Variants in PTCHD4 observed in about 807,000 individuals in gnomAD.
PTCHD4 encodes patched domain containing 4.
In PTCHD4, 33 loss-of-function variants were observed where a neutral mutation model predicts 58.1. That is an observed-to-expected ratio of 0.57 (90% CI 0.43 to 0.76). The LOEUF (loss-of-function observed/expected upper bound fraction) is 0.76, where lower values mean the gene tolerates loss of function less well. PTCHD4 is among the 30% of genes least tolerant of loss of function. The pLI is 0.00. For missense variants in PTCHD4, 1,058 were observed against 1,027.1 expected, an observed-to-expected ratio of 1.03 and a Z score of -0.41; for synonymous variants, 478 against 409.6, an observed-to-expected ratio of 1.17 and a Z score of -2.02.
In PTCHD4 at chr6:47,875,716, G is replaced by A. The variant is rs958431695; in HGVS notation, c.*2587C>T. ...TCCCTATCTAAACAGAGACTATCTGGATGGAGACATAATATTAGATCTGCC... is the reference window on the plus strand; with the variant it reads ...TCCCTATCTAAACAGAGACTATCTGAATGGAGACATAATATTAGATCTGCC... On this transcript the variant is annotated 3_prime_UTR_variant, in exon 5 of 5. Coordinates refer to ENST00000339488, the MANE Select transcript of PTCHD4 (RefSeq NM_001384253.1). Among the ~76,000 whole-genome samples the A allele has an allele frequency of 1.3e-5, 2 of 151,788 alleles. No individual in the cohort carries two copies. The highest frequency in any genetic ancestry group is 2.9e-5 in the Non-Finnish European group (2 of 67,882).
intron 3 of PTCHD4, among the ~76,000 whole-genome samples, chr6:48,011,828 G>T (rs1190043734): frequency 1.3e-5 from 2 of 152,088 alleles, no homozygotes; most frequent in Non-Finnish European, 2.9e-5. Flanking sequence ...ATTAAATAGG[G>T]AATCTTTTCT....
chr6:47,891,594 A>G (rs915253602), intron 4 of PTCHD4, among the ~76,000 whole-genome samples: 25 of 152,194 alleles, frequency 1.6e-4, no homozygotes, highest in Non-Finnish European at 1.5e-5. Context: ...AATTACTAAG[A>G]TAACTATTAT....
intron 4 of PTCHD4, among the ~76,000 whole-genome samples, chr6:48,001,334 T>C (rs1256290378): frequency 1.3e-5 from 2 of 152,204 alleles, no homozygotes; most frequent in African/African-American, 2.4e-5. Context: ...GCTGGAGGCA[T>C]CATGCTACCT....
At chr6:48,017,412 G>T (rs1762904638) in intron 3 of PTCHD4, among the ~76,000 whole-genome samples, 1 of 151,902 alleles carries the variant, frequency 6.6e-6, no homozygotes, top group Non-Finnish European at 1.5e-5. Context: ...GCTAGAAAAA[G>T]GCCGTGATGT....
Position 48,068,754 on chromosome 6 carries a change from G to A in PTCHD4, c.6-113C>T, listed in dbSNP as rs1208561868. 3.4e-5 allele frequency: 33 copies of A among 982,064 alleles called. No individual in the cohort carries two copies. The highest frequency in any genetic ancestry group is 5.0e-5 in the South Asian group (3 of 59,906). 60.8% of individuals were successfully genotyped at this position (982,064 alleles called of 1,614,324 possible). A position where few individuals can be genotyped will look rare whatever the true frequency, so the allele number is the denominator to read the frequency against. On this transcript the variant is annotated intron_variant, in intron 2 of 4. Coordinates refer to ENST00000339488, the MANE Select transcript of PTCHD4 (RefSeq NM_001384253.1). The surrounding 1 kb of genome is among the most constrained non-coding windows in gnomAD (Gnocchi z 4.2). ...GCCGCCGCCTCCCCACCCACTCCGC[G>A]CTCACCCCACAACCACTCCGCCTGG...
At chr6:47,910,349 T>C (rs1765030221) in intron 4 of PTCHD4, among the ~76,000 whole-genome samples, 1 of 152,252 alleles carries the variant, frequency 6.6e-6, no homozygotes, top group South Asian at 2.1e-4. Context: ...CTGTGTCTGT[T>C]AGCCCCCTAT....
chr6:47,959,610 T>A lies in PTCHD4; in HGVS notation c.898+49024A>T, dbSNP rs181408588. On this transcript the variant is annotated intron_variant, in intron 4 of 4. Transcript: ENST00000339488. ...ATGATGAAAACTACAGTGAGGTACATCTTCAAAGTGCTCAAAACCAGGAAT... is the reference window on the plus strand; with the variant it reads ...ATGATGAAAACTACAGTGAGGTACAACTTCAAAGTGCTCAAAACCAGGAAT... Among the ~76,000 whole-genome samples the A allele has an allele frequency of 4.7e-4, 71 of 152,136 alleles. 1 individual carries two copies. The highest frequency in any genetic ancestry group is 1.2e-3 in the African/African-American group (49 of 41,500).
intron 3 of PTCHD4, among the ~76,000 whole-genome samples, chr6:48,057,171 G>GTT (rs372080844): frequency 9.4e-5 from 14 of 149,398 alleles, no homozygotes; most frequent in Non-Finnish European, 1.9e-4. Flanking sequence ...TCTGGCGGCG[G>GTT]TTTTTTTTGT....
At chr6:48,002,773 A>ATAATAC (rs1221924865) in intron 4 of PTCHD4, among the ~76,000 whole-genome samples, 1 of 151,558 alleles carries the variant, frequency 6.6e-6, no homozygotes, top group Non-Finnish European at 1.5e-5. Flanking sequence ...AATAATAATA[A>ATAATAC]TAATAATTGT....
chr6:47,930,462 A>G (rs1249990377), intron 4 of PTCHD4, among the ~76,000 whole-genome samples: 1 of 152,206 alleles, frequency 6.6e-6, no homozygotes, highest in East Asian at 1.9e-4. Flanking sequence ...AACCTTAGCT[A>G]TGTGTGTCTA....
intron 4 of PTCHD4, among the ~76,000 whole-genome samples, chr6:47,931,549 A>G (rs1410204490): frequency 6.6e-6 from 1 of 152,186 alleles, no homozygotes; most frequent in Non-Finnish European, 1.5e-5. Flanking sequence ...AGGTAATTGT[A>G]AAATCGTTGC....
In PTCHD4 at chr6:47,878,532, A is replaced by T; in HGVS notation, c.2303T>A (p.Val768Asp). The change falls in exon 5 of 5, where the codon GTC (valine) becomes GAC (aspartate). Residue 768 changes from valine to aspartate, a missense_variant. Physicochemically the swap from Val to Asp is radical, Grantham distance 152 (BLOSUM62 -3). Coordinates refer to ENST00000339488, the MANE Select transcript of PTCHD4 (RefSeq NM_001384253.1). ...QNVTSFLIGLVPLLFVPSNLT... is the reference protein window; with the variant it reads ...QNVTSFLIGLDPLLFVPSNLT... ...GTTCGAAGGCACAAATAGAAGGGGG[A>T]CTAACCCAATAAGAAAAGAAGTAAC... The T allele has an allele frequency of 6.2e-7, 1 of 1,613,502 alleles. No individual in the cohort carries two copies. Among genetic ancestry groups the T allele is most frequent in the Non-Finnish European group, 8.5e-7 (1 of 1,179,708 alleles).
At position 47,868,881 on chromosome 6, in the gene PTCHD4, A is replaced by G. The variant is rs1763644015; in HGVS notation, c.*9422T>C. On this transcript the variant is annotated 3_prime_UTR_variant, in exon 5 of 5. Coordinates refer to ENST00000339488, the MANE Select transcript of PTCHD4 (RefSeq NM_001384253.1). Reference sequence around the variant, plus strand: ...AATAATTAAAATACTAAATTTGGACAGGAAAATGGCTATTGAATAAGTCCA... The same window carrying G: ...AATAATTAAAATACTAAATTTGGACGGGAAAATGGCTATTGAATAAGTCCA... Among the ~76,000 whole-genome samples the G allele has an allele frequency of 1.3e-5, 2 of 151,766 alleles. No individual in the cohort carries two copies. The highest frequency in any genetic ancestry group is 4.1e-4 in the South Asian group (2 of 4,832).
At position 48,027,056 on chromosome 6, in the gene PTCHD4, C is replaced by A. The variant is rs146990552; in HGVS notation, c.418-17942G>T. On this transcript the variant is annotated intron_variant, in intron 3 of 4. Transcript: ENST00000339488. Reference sequence around the variant, plus strand: ...CATGGCTAAAATTTTTGAATGAAAGCGATAAGATTTTTGTTTACATCTGTC... The same window carrying A: ...CATGGCTAAAATTTTTGAATGAAAGAGATAAGATTTTTGTTTACATCTGTC... Among the ~76,000 whole-genome samples the A allele has an allele frequency of 8.5e-3, 1,291 of 151,680 alleles. 23 individuals are homozygous for A. Among genetic ancestry groups the A allele is most frequent in the African/African-American group, 0.03 (1,222 of 41,360 alleles).
intron 3 of PTCHD4, among the ~76,000 whole-genome samples, chr6:48,052,685 T>C (rs746151160): frequency 2.6e-5 from 4 of 152,102 alleles, no homozygotes; most frequent in African/African-American, 9.7e-5. Flanking sequence ...CGGATTCAAC[T>C]ATGTAAAGTG....
intron 4 of PTCHD4, among the ~76,000 whole-genome samples, chr6:47,881,165 G>A (rs1442761054): frequency 6.6e-6 from 1 of 152,188 alleles, no homozygotes; most frequent in Non-Finnish European, 1.5e-5. Context: ...GGACTTAAAT[G>A]TGGCACTTAG....
chr6:48,105,890 A>G (rs6923396), intron 1 of PTCHD4, among the ~76,000 whole-genome samples: 1 of 152,048 alleles, frequency 6.6e-6, no homozygotes, highest in Admixed American at 6.5e-5. Flanking sequence ...CTCTCCCAAG[A>G]CTAAACCAGG....
At chr6:47,956,040 T>A (rs1766845646) in intron 4 of PTCHD4, among the ~76,000 whole-genome samples, 1 of 152,226 alleles carries the variant, frequency 6.6e-6, no homozygotes, top group Admixed American at 6.5e-5. Flanking sequence ...GTATTTCTAG[T>A]TCTTTTTATG....
At position 48,056,008 on chromosome 6, in the gene PTCHD4, T is replaced by C. The variant is rs80230175; in HGVS notation, c.417+12222A>G. 7.2e-5 allele frequency among the ~76,000 whole-genome samples: 11 copies of C among 152,330 alleles called. No homozygotes were observed. The East Asian group carries it at 2.1e-3, about 29-fold the overall frequency. On this transcript the variant is annotated intron_variant, in intron 3 of 4. Transcript: ENST00000339488. Reference sequence around the variant, plus strand: ...GGATGGTATCCAATGTTTCCCACTCTTAGTGGAAAAGTATGGTAAATGTTG... The same window carrying C: ...GGATGGTATCCAATGTTTCCCACTCCTAGTGGAAAAGTATGGTAAATGTTG...
Sources: gnomAD v4.1 joint callset for allele counts (sites outside exome capture counted in the v4.1 genomes callset) on GRCh38, gnomAD v4.1.1 for gene constraint, Gnocchi (gnomAD v3.1) non-coding constraint, MANE v1.5 for transcripts, NCBI Gene and HGNC (gene_info 2026-07-23, HGNC 2026-07-21) for gene names.